SNTB2: variants seen among roughly 807,000 people sequenced by gnomAD.
SNTB2 encodes syntrophin beta 2.
In SNTB2, 34 loss-of-function variants were observed where a neutral mutation model predicts 46.2. That is an observed-to-expected ratio of 0.74 (90% confidence interval 0.56 to 0.98). The LOEUF (loss-of-function observed/expected upper bound fraction) is 0.98. Among genes scored for constraint, SNTB2 ranks in the 50% least tolerant of loss-of-function variants. SNTB2 has a pLI of 0.00. For synonymous variants in SNTB2, 290 were observed against 312.6 expected (o/e 0.93, Z 0.76); for missense variants, 603 against 731.4 (o/e 0.82, Z 2.02).
chr16:69,274,196 C>T (rs9937366), intron 4 of SNTB2, among the ~76,000 whole-genome samples: 24,071 of 151,590 alleles, frequency 0.16, 2,057 homozygotes, highest in Middle Eastern at 0.24. Context: ...CCCGTAATCC[C>T]AGCTACTTGG....
chr16:69,260,117 G>A lies in SNTB2; in HGVS notation c.862G>A (p.Ala288Thr), dbSNP rs1378906819. 9 of 1,613,740 alleles carry A rather than the reference G, an allele frequency of 5.6e-6. No homozygotes were observed. The highest frequency in any genetic ancestry group is 7.6e-6 in the Non-Finnish European group (9 of 1,180,004). The change falls in exon 3 of 7, where the codon GCA becomes ACA. Residue 288 changes from alanine to threonine, a missense_variant. Physicochemically the swap from Ala to Thr is moderately conservative, Grantham distance 58. Coordinates refer to ENST00000336278, the MANE Select transcript of SNTB2 (RefSeq NM_006750.4). ...LILRCKDTAT[A>T]HSWFVAIHTN... Reference sequence around the variant, plus strand: ...CCTACGCTGCAAAGATACAGCCACAGCACACTCCTGGTTCGTAGCTATCCA... The same window carrying A: ...CCTACGCTGCAAAGATACAGCCACAACACACTCCTGGTTCGTAGCTATCCA...
intron 1 of SNTB2, among the ~76,000 whole-genome samples, chr16:69,198,476 T>C (rs1353280587): frequency 6.6e-6 from 1 of 152,176 alleles, no homozygotes; most frequent in Non-Finnish European, 1.5e-5. Context: ...TGCTTCTCTT[T>C]AAGGAGTTTG....
chr16:69,272,889 CAAAAAAA>C (rs34011617), intron 4 of SNTB2, among the ~76,000 whole-genome samples: 13 of 80,748 alleles, frequency 1.6e-4, no homozygotes, highest in Non-Finnish European at 3.0e-4. Context: ...GACTCTGTCT[CAAAAAAA>C]AAAAAAAAAA....
intron 1 of SNTB2, among the ~76,000 whole-genome samples, chr16:69,218,146 T>C (rs1964366599): frequency 6.6e-6 from 1 of 152,172 alleles, no homozygotes; most frequent in Non-Finnish European, 1.5e-5. Context: ...TAGAATAATC[T>C]CCAGGAGAGA....
At chr16:69,246,545 G>A (rs1337107226) in intron 2 of SNTB2, among the ~76,000 whole-genome samples, 5 of 145,798 alleles carry the variant, frequency 3.4e-5, no homozygotes, top group African/African-American at 1.0e-4. Flanking sequence ...GTCTCTGCCC[G>A]GCTTTGGTAT....
chr16:69,197,957 T>G (rs983557573), intron 1 of SNTB2, among the ~76,000 whole-genome samples: 6 of 152,142 alleles, frequency 3.9e-5, no homozygotes, highest in Non-Finnish European at 5.9e-5. Context: ...ACAAAGTAAT[T>G]GAAAAAATTA....
intron 6 of SNTB2, among the ~76,000 whole-genome samples, 182 bp downstream of exon 6, chr16:69,299,956 A>G (rs530318669): frequency 2.6e-5 from 4 of 152,168 alleles, no homozygotes; most frequent in South Asian, 2.1e-4. Flanking sequence ...TAGTGGTGCA[A>G]TCATAGCTTC....
At chr16:69,222,019 C>T (rs1964410242) in intron 1 of SNTB2, among the ~76,000 whole-genome samples, 1 of 152,146 alleles carries the variant, frequency 6.6e-6, no homozygotes, top group Non-Finnish European at 1.5e-5. Context: ...CATTTAAACT[C>T]AAATGTTTAG....
intron 1 of SNTB2, among the ~76,000 whole-genome samples, chr16:69,226,830 C>T (rs1200439929): frequency 1.3e-5 from 2 of 152,128 alleles, no homozygotes; most frequent in Non-Finnish European, 2.9e-5. Context: ...GGTGCATGGC[C>T]CTAAGGTTAT....
intron 3 of SNTB2, among the ~76,000 whole-genome samples, chr16:69,269,543 T>A (rs1307442560): frequency 6.6e-6 from 1 of 152,128 alleles, no homozygotes; most frequent in East Asian, 1.9e-4. Flanking sequence ...TGTTAACAGA[T>A]TACATTGCAC....
chr16:69,265,702 C>T (rs1009553155), intron 3 of SNTB2, among the ~76,000 whole-genome samples: 1 of 151,756 alleles, frequency 6.6e-6, no homozygotes, highest in Admixed American at 6.6e-5. Flanking sequence ...TGGCGGGCAC[C>T]TGTAATCCCA....
chr16:69,262,794 A>G (rs1297733996), intron 3 of SNTB2, among the ~76,000 whole-genome samples: 1 of 152,056 alleles, frequency 6.6e-6, no homozygotes, highest in East Asian at 1.9e-4. Context: ...CCCCTGCCTC[A>G]GCCTCCCGAG....
intron 5 of SNTB2, among the ~76,000 whole-genome samples, chr16:69,292,350 TTTTTTATATATATA>T: frequency 2.0e-5 from 1 of 50,732 alleles, no homozygotes. Context: ...GTTCACCTTA[TTTTTTATATATATA>T]TATATATATA....
intron 1 of SNTB2, among the ~76,000 whole-genome samples, chr16:69,190,902 T>A (rs1964043417): frequency 6.6e-6 from 1 of 152,074 alleles, no homozygotes; most frequent in Non-Finnish European, 1.5e-5. Context: ...GCAATTCACG[T>A]GTTGAGTACT....
intron 4 of SNTB2, among the ~76,000 whole-genome samples, chr16:69,277,038 A>G (rs1181308914): frequency 6.6e-6 from 1 of 152,236 alleles, no homozygotes. Flanking sequence ...TGTCTCAAGG[A>G]AAAGCACATG....
At chr16:69,195,443 ATTT>A (rs71383971) in intron 1 of SNTB2, among the ~76,000 whole-genome samples, 1 of 139,048 alleles carries the variant, frequency 7.2e-6, no homozygotes, top group Non-Finnish European at 1.6e-5. Context: ...CCTGGTTTGC[ATTT>A]TTTTTTTTTT....
intron 1 of SNTB2, among the ~76,000 whole-genome samples, chr16:69,233,812 C>CA (rs917170009): frequency 1.5e-4 from 22 of 151,444 alleles, no homozygotes; most frequent in Admixed American, 2.6e-4. Context: ...ACTGTCTCTG[C>CA]AAAAAACAAA....
At chr16:69,260,579 T>C (rs1964825193) in intron 3 of SNTB2, among the ~76,000 whole-genome samples, 1 of 152,188 alleles carries the variant, frequency 6.6e-6, no homozygotes, top group Non-Finnish European at 1.5e-5. Flanking sequence ...CAGCTAACTT[T>C]TTCTGTAAAG....
At chr16:69,207,898 A>C (rs1964240241) in intron 1 of SNTB2, among the ~76,000 whole-genome samples, 2 of 151,698 alleles carry the variant, frequency 1.3e-5, no homozygotes, top group South Asian at 4.2e-4. Context: ...ACCTGAGATC[A>C]GGAGTTCGAG....
Sources: allele counts gnomAD v4.1 joint callset (sites outside exome capture counted in the v4.1 genomes callset), GRCh38; gene constraint gnomAD v4.1.1; transcripts MANE v1.5; gene names NCBI Gene and HGNC (gene_info 2026-07-23, HGNC 2026-07-21).